Variants in PRKCB observed in about 807,000 individuals in gnomAD.
The protein encoded by PRKCB is protein kinase C beta.
In PRKCB, 13 loss-of-function variants were observed where a neutral mutation model predicts 81.5. That is an observed-to-expected ratio of 0.16 (90% CI 0.10 to 0.25). The LOEUF (loss-of-function observed/expected upper bound fraction) is 0.25, where lower values mean the gene tolerates loss of function less well. PRKCB is among the 10% of genes least tolerant of loss of function. The pLI is 1.00. For synonymous variants in PRKCB, 335 were observed against 321.4 expected (o/e 1.04, Z -0.45); for missense variants, 509 against 875.7 (o/e 0.58, Z 5.29).
intron 2 of PRKCB, among the ~76,000 whole-genome samples, chr16:23,884,601 C>T (rs1358052181): frequency 1.3e-5 from 2 of 152,266 alleles, no homozygotes; most frequent in East Asian, 3.9e-4. Context: ...GTGGTGTGAC[C>T]GTAGCTCACT....
intron 3 of PRKCB, among the ~76,000 whole-genome samples, chr16:24,002,001 T>C (rs948671810): frequency 6.6e-6 from 1 of 152,140 alleles, no homozygotes; most frequent in African/African-American, 2.4e-5. Flanking sequence ...ATTCCAAAAT[T>C]TAGTGGCTTG....
At chr16:24,021,119 T>C (rs1178571839) in intron 3 of PRKCB, among the ~76,000 whole-genome samples, 1 of 140,184 alleles carries the variant, frequency 7.1e-6, no homozygotes, top group African/African-American at 2.8e-5. Context: ...TTCTCTCTCT[T>C]TCTTTCTTTC....
chr16:24,028,423 A>T (rs1398603662), intron 3 of PRKCB, among the ~76,000 whole-genome samples: 1 of 152,236 alleles, frequency 6.6e-6, no homozygotes, highest in African/African-American at 2.4e-5. Context: ...AGTAAAATTC[A>T]TCACAGTTAA....
intron 11 of PRKCB, among the ~76,000 whole-genome samples, chr16:24,173,254 A>G (rs952474057): frequency 6.6e-6 from 1 of 152,170 alleles, no homozygotes; most frequent in Non-Finnish European, 1.5e-5. Flanking sequence ...AAAGGCAGCT[A>G]CAGTCTCTTC....
At chr16:23,890,436 A>G (rs1963275260) in intron 2 of PRKCB, among the ~76,000 whole-genome samples, 1 of 152,126 alleles carries the variant, frequency 6.6e-6, no homozygotes, top group Non-Finnish European at 1.5e-5. Flanking sequence ...TTAGCCTAGC[A>G]TCTTTTCTGT....
intron 2 of PRKCB, among the ~76,000 whole-genome samples, chr16:23,946,912 G>A (rs1964210445): frequency 6.6e-6 from 1 of 151,006 alleles, no homozygotes; most frequent in Non-Finnish European, 1.5e-5. Context: ...CTGAAGTGCA[G>A]TGGTGTGATC....
chr16:24,065,351 A>G (rs1966020034), intron 5 of PRKCB, among the ~76,000 whole-genome samples: 1 of 151,664 alleles, frequency 6.6e-6, no homozygotes, highest in Admixed American at 6.6e-5. Context: ...CTATTAACTA[A>G]TTAGTCATGT....
chr16:23,877,602 C>T (rs1963036218), intron 2 of PRKCB, among the ~76,000 whole-genome samples: 1 of 152,196 alleles, frequency 6.6e-6, no homozygotes, highest in African/African-American at 2.4e-5. Flanking sequence ...ACTGTCAAAA[C>T]TCTCTTTCTG....
chr16:23,909,377 C>A (rs1461503543), intron 2 of PRKCB, among the ~76,000 whole-genome samples: 2 of 152,124 alleles, frequency 1.3e-5, no homozygotes, highest in Non-Finnish European at 2.9e-5. Context: ...AGGTTCTTGG[C>A]GAGACCCTCC....
intron 5 of PRKCB, among the ~76,000 whole-genome samples, chr16:24,070,394 C>T (rs1966093280): frequency 6.6e-6 from 1 of 152,156 alleles, no homozygotes; most frequent in East Asian, 1.9e-4. Context: ...AGTGATTCGC[C>T]TGCCTCAGCC....
At chr16:23,891,023 A>G (rs7203367) in intron 2 of PRKCB, among the ~76,000 whole-genome samples, 43,305 of 149,280 alleles carry the variant, frequency 0.29, 6,668 homozygotes, top group South Asian at 0.43. Context: ...GTGTGTGTGT[A>G]TATATATAAT....
At chr16:23,901,451 G>GT (rs1306234861) in intron 2 of PRKCB, among the ~76,000 whole-genome samples, 2 of 152,144 alleles carry the variant, frequency 1.3e-5, no homozygotes, top group East Asian at 3.9e-4. Flanking sequence ...GTTGTGGGGT[G>GT]TTTTTATCAG....
chr16:24,193,468 T>TTAAAAA (rs1555501776), intron 16 of PRKCB, among the ~76,000 whole-genome samples: 1 of 103,554 alleles, frequency 9.7e-6, no homozygotes, highest in Admixed American at 9.2e-5. Context: ...AATAAATAAA[T>TTAAAAA]AAATAAATAA....
In PRKCB at chr16:24,131,052, A is replaced by G. The variant is rs113917657; in HGVS notation, c.1065+7071A>G. 9.7e-3 allele frequency among the ~76,000 whole-genome samples: 1,471 copies of G among 152,318 alleles called. 35 individuals carry two copies. Among genetic ancestry groups the G allele is most frequent in the African/African-American group, 0.034 (1,396 of 41,572 alleles). ...TTTTCTGTGACATTTCTTTGTGTTC[A>G]AATCATGGAGCACGCCAGGTGTTAG... On this transcript the variant is annotated intron_variant, in intron 9 of 16. Coordinates refer to ENST00000643927, the MANE Select transcript of PRKCB (RefSeq NM_002738.7).
chr16:24,160,856 G>T (rs1967243376), intron 10 of PRKCB, among the ~76,000 whole-genome samples: 1 of 152,116 alleles, frequency 6.6e-6, no homozygotes, highest in Non-Finnish European at 1.5e-5. Flanking sequence ...TGGCTATCTG[G>T]GGGCAGAGTG....
intron 10 of PRKCB, among the ~76,000 whole-genome samples, chr16:24,164,815 C>T (rs1264870054): frequency 6.6e-6 from 1 of 151,966 alleles, no homozygotes; most frequent in African/African-American, 2.4e-5. Flanking sequence ...TATTAGAGTC[C>T]AACAAATAAG....
intron 10 of PRKCB, among the ~76,000 whole-genome samples, chr16:24,171,325 T>C (rs1967436953): frequency 6.6e-6 from 1 of 152,202 alleles, no homozygotes; most frequent in South Asian, 2.1e-4. Context: ...CAAATGTACC[T>C]TCCCATAGTA....
intron 3 of PRKCB, among the ~76,000 whole-genome samples, chr16:24,014,936 A>G (rs1965257384): frequency 6.6e-6 from 1 of 152,094 alleles, no homozygotes; most frequent in African/African-American, 2.4e-5. Flanking sequence ...AGCTGGGACT[A>G]CAGGCACCCG....
intron 9 of PRKCB, among the ~76,000 whole-genome samples, chr16:24,135,055 G>T (rs1297428425): frequency 6.7e-6 from 1 of 149,444 alleles, no homozygotes; most frequent in African/African-American, 2.5e-5. Flanking sequence ...CTTCCACCTA[G>T]GTTCACTTTT....
Sources: allele counts gnomAD v4.1 joint callset (sites outside exome capture counted in the v4.1 genomes callset), GRCh38; gene constraint gnomAD v4.1.1; transcripts MANE v1.5; gene names NCBI Gene and HGNC (gene_info 2026-07-23, HGNC 2026-07-21).